UGT1A5: variants seen among roughly 807,000 people sequenced by gnomAD.
UGT1A5 encodes the protein UDP-glucuronosyltransferase 1A5.
UGT1A5 carries 29 observed loss-of-function variants against 40.3 expected under a neutral mutation model. The observed-to-expected ratio is 0.72, with a 90% CI of 0.54 to 0.98. The LOEUF is 0.98. Ranked by LOEUF, UGT1A5 falls within the 50% of genes least tolerant of loss-of-function variation. UGT1A5 has a pLI of 0.00. For missense variants in UGT1A5, 678 were observed against 677.9 expected (o/e 1.00, Z 0.00); for synonymous variants, 257 against 262.5 (o/e 0.98, Z 0.20).
chr2:233,729,993 G>T (rs1356280713), intron 1 of UGT1A5: 1 of 1,613,886 alleles, frequency 6.2e-7, no homozygotes, highest in Non-Finnish European at 8.5e-7. Flanking sequence ...CACTATCTCA[G>T]GTCTGTATTG....
chr2:233,750,986 G>T (rs1230774000), intron 1 of UGT1A5, among the ~76,000 whole-genome samples: 1 of 151,784 alleles, frequency 6.6e-6, no homozygotes, highest in Non-Finnish European at 1.5e-5. Flanking sequence ...TTGTGAGAAG[G>T]CGGCCACCAT....
At chr2:233,721,825 G>T in intron 1 of UGT1A5, 1 of 515,562 alleles carries the variant, frequency 1.9e-6, no homozygotes, top group Non-Finnish European at 3.9e-6. Context: ...ACCCTATTTG[G>T]GCCACCGACC....
At chr2:233,765,166 G>T (rs1228376175) in intron 1 of UGT1A5, among the ~76,000 whole-genome samples, 1 of 152,128 alleles carries the variant, frequency 6.6e-6, no homozygotes, top group Non-Finnish European at 1.5e-5. Flanking sequence ...CCCTCAGTTT[G>T]GGCAAGCCCT....
chr2:233,760,180 T>C (rs1376949252), intron 1 of UGT1A5: 1 of 1,548,272 alleles, frequency 6.5e-7, no homozygotes, highest in Non-Finnish European at 8.7e-7. Flanking sequence ...GACAGCTTTT[T>C]ATAGTCACGT....
chr2:233,734,394 G>A (rs574179934), intron 1 of UGT1A5, among the ~76,000 whole-genome samples: 7 of 152,088 alleles, frequency 4.6e-5, no homozygotes, highest in South Asian at 2.1e-4. Flanking sequence ...TTTTTATTGC[G>A]TCTATTTGAT....
chr2:233,760,825 G>C lies in UGT1A5; in HGVS notation c.868-6209G>C, dbSNP rs1657628450. The C allele has an allele frequency of 2.5e-6, 4 of 1,613,330 alleles. No homozygotes were observed. The Admixed American group carries it at 5.0e-5, about 20-fold the overall frequency. On this transcript the variant is annotated intron_variant, in intron 1 of 4. Coordinates refer to ENST00000373414, the MANE Select transcript of UGT1A5 (RefSeq NM_019078.2). ...CTTGCATGCACTGCCATGCAGCCTG[G>C]AATTTGAGGCTACCCAGTGCCCCAA...
rs367675101 is a variant in UGT1A5, at chr2:233,712,954, G to A, written c.-38G>A. On this transcript the variant is annotated 5_prime_UTR_variant, in exon 1 of 5. The change creates a new upstream start codon in the 5' untranslated region. Transcript: ENST00000373414. ...AGGAAACAATTCTAGGAGGCACAAC[G>A]TGGGGTGGACAGTCAGCTGTCGGTG... The A allele has an allele frequency of 4.3e-6, 7 of 1,612,846 alleles. No homozygotes were observed. Among genetic ancestry groups the A allele is most frequent in the South Asian group, 3.3e-5 (3 of 91,020 alleles).
intron 1 of UGT1A5, among the ~76,000 whole-genome samples, chr2:233,759,599 A>C (rs759174): frequency 0.51 from 55,428 of 108,528 alleles, 10,119 homozygotes; most frequent in African/African-American, 0.62. Flanking sequence ...CCCACCCCCG[A>C]CCCGCCCCAC....
Position 233,720,957 on chromosome 2 carries a change from C to T in UGT1A5, c.867+7099C>T, listed in dbSNP as rs1032077883. 4.6e-5 allele frequency among the ~76,000 whole-genome samples: 7 copies of T among 151,348 alleles called. No homozygotes were observed. In the East Asian group the frequency reaches 5.8e-4, roughly 13 times the overall value. On this transcript the variant is annotated intron_variant, in intron 1 of 4. Transcript: ENST00000373414. ...AACTCCTGACCTCATGTGATCTGCC[C>T]GCCTCGGCCTCCCAAAGTGCTGGGA...
At chr2:233,730,362 G>A (rs1205514330) in intron 1 of UGT1A5, among the ~76,000 whole-genome samples, 3 of 152,178 alleles carry the variant, frequency 2.0e-5, no homozygotes, top group Non-Finnish European at 4.4e-5. Context: ...TTTTTTGCTA[G>A]CATGATTTTC....
At chr2:233,751,513 GC>G (rs1314073844) in intron 1 of UGT1A5, among the ~76,000 whole-genome samples, 4 of 152,198 alleles carry the variant, frequency 2.6e-5, no homozygotes, top group African/African-American at 9.6e-5. Context: ...GGGCCAGAGG[GC>G]AGAATGATAT....
intron 1 of UGT1A5, among the ~76,000 whole-genome samples, chr2:233,714,935 G>A (rs1484884926): frequency 2.0e-5 from 3 of 152,106 alleles, no homozygotes; most frequent in Non-Finnish European, 4.4e-5. Flanking sequence ...GGAGTGCAGT[G>A]GTGGGATCTT....
rs541555722 is a variant in UGT1A5 at position 233,725,921 on chromosome 2, T to C, written c.867+12063T>C. On this transcript the variant is annotated intron_variant, in intron 1 of 4. Coordinates refer to ENST00000373414, the MANE Select transcript of UGT1A5 (RefSeq NM_019078.2). ...TGGCTCACACCTGCAATTTCAGCCC[T>C]TTGGGAGACTGATGCAGGAGGATTG... Among the ~76,000 whole-genome samples the C allele has an allele frequency of 3.0e-4, 46 of 152,308 alleles. No individual in the cohort carries two copies. The South Asian group carries it at 8.7e-3, about 29-fold the overall frequency.
rs1699804309 is a variant in UGT1A5, at chr2:233,769,169, A to G, written c.1307+730A>G. Among the ~76,000 whole-genome samples, 1 of 152,236 alleles carries G rather than the reference A, an allele frequency of 6.6e-6. No individual in the cohort carries two copies. The highest frequency in any genetic ancestry group is 2.1e-4 in the South Asian group (1 of 4,828). On this transcript the variant is annotated intron_variant, in intron 4 of 4. Coordinates refer to ENST00000373414, the MANE Select transcript of UGT1A5 (RefSeq NM_019078.2). The surrounding 1 kb of genome is among the most constrained non-coding windows in gnomAD (Gnocchi z 4.4). ...CTGGAACCTGTGAGAAATTTTGTCC[A>G]TGGAGTTTATGAATGAAGGAGCTAT...
At chr2:233,760,774 T>C in intron 1 of UGT1A5, 1 of 1,613,992 alleles carries the variant, frequency 6.2e-7, no homozygotes, top group Non-Finnish European at 8.5e-7. Flanking sequence ...CGTGGCCCAG[T>C]ACCTGTCTCT....
intron 1 of UGT1A5, among the ~76,000 whole-genome samples, chr2:233,720,647 A>G (rs1240527051): frequency 6.6e-6 from 1 of 152,088 alleles, no homozygotes; most frequent in African/African-American, 2.4e-5. Flanking sequence ...CTGGGATGTG[A>G]AAAACCAAAT....
chr2:233,729,554 C>G, intron 1 of UGT1A5: 1 of 1,614,178 alleles, frequency 6.2e-7, no homozygotes, highest in Non-Finnish European at 8.5e-7. Flanking sequence ...CACCTGAATG[C>G]TACTTCCTTT....
At chr2:233,756,948 G>A (rs530775201) in intron 1 of UGT1A5, among the ~76,000 whole-genome samples, 1 of 152,072 alleles carries the variant, frequency 6.6e-6, no homozygotes, top group African/African-American at 2.4e-5. Flanking sequence ...CCTGAAACCC[G>A]GACTTGGCAC....
chr2:233,757,874 A>G (rs1242256383), intron 1 of UGT1A5, among the ~76,000 whole-genome samples: 10 of 152,078 alleles, frequency 6.6e-5, no homozygotes, highest in Admixed American at 5.9e-4. Flanking sequence ...AAGTAGCTTC[A>G]AAAGGGTTCC....
Sources: gnomAD v4.1 joint callset for allele counts (sites outside exome capture counted in the v4.1 genomes callset) on GRCh38, gnomAD v4.1.1 for gene constraint, Gnocchi (gnomAD v3.1) non-coding constraint, MANE v1.5 for transcripts, NCBI Gene and HGNC (gene_info 2026-07-23, HGNC 2026-07-21) for gene names.